The following FAM13A variants were observed in gnomAD, a reference collection of about 807,000 sequenced individuals.
FAM13A encodes family with sequence similarity 13 member A, also known as protein FAM13A.
Under a neutral mutation model 129.6 loss-of-function variants are expected in FAM13A, and 76 were observed. That is an observed-to-expected ratio of 0.59 (90% confidence interval 0.49 to 0.71). The LOEUF is 0.71. FAM13A is among the 30% of genes least tolerant of loss of function. The pLI is 0.00. For missense variants in FAM13A, 1,108 were observed against 1,249.3 expected (o/e 0.89, Z 1.70); for synonymous variants, 443 against 449.9 (o/e 0.98, Z 0.20).
chr4:88,950,867 A>G (rs961951451), intron 4 of FAM13A, among the ~76,000 whole-genome samples: 1 of 152,356 alleles, frequency 6.6e-6, no homozygotes, highest in African/African-American at 2.4e-5. Context: ...AGAGTTATCA[A>G]TTCTGTTATG....
At chr4:88,971,158 CAG>C (rs1419335378) in intron 4 of FAM13A, among the ~76,000 whole-genome samples, 2 of 152,244 alleles carry the variant, frequency 1.3e-5, no homozygotes, top group East Asian at 1.9e-4. Context: ...GCGGAGCTTG[CAG>C]AGAGCCGAGA....
chr4:88,737,541 G>C lies in FAM13A; in HGVS notation c.2577C>G (p.Ser859Arg). 1 of 1,614,004 alleles carries C rather than the reference G, an allele frequency of 6.2e-7. No homozygotes were observed. The highest frequency in any genetic ancestry group is 8.5e-7 in the Non-Finnish European group (1 of 1,179,880). The part of the protein sequence containing the change: ...NTIPIIGSPS[S>R]KRRSPLLQPI... ...GCTGCAGCAAAGGGCTTCTCCGCTT[G>C]CTGGAGGGGGAACCCTGTGACAGGT... Residue 859 changes from serine to arginine, a missense_variant, in exon 21 of 24, where the codon AGC (serine) becomes AGG (arginine). Physicochemically the swap from Ser to Arg is moderately radical, Grantham distance 110. This residue lies in a region of FAM13A where 529 missense variants were observed against 621.2 expected (regional missense o/e 0.85). Transcript: ENST00000264344.
intron 6 of FAM13A, among the ~76,000 whole-genome samples, chr4:88,859,202 G>A (rs1372442586): frequency 1.3e-5 from 2 of 152,160 alleles, no homozygotes; most frequent in Non-Finnish European, 2.9e-5. Context: ...AAGGAGGGTT[G>A]TTTTTATTTT....
intron 6 of FAM13A, among the ~76,000 whole-genome samples, chr4:88,905,217 T>G (rs143504455): frequency 0.011 from 1,702 of 152,192 alleles, 39 homozygotes; most frequent in African/African-American, 0.038. Flanking sequence ...CTGCGACCTC[T>G]GCTTCTGAGG....
intron 7 of FAM13A, among the ~76,000 whole-genome samples, chr4:88,807,187 T>G (rs1215329360): frequency 6.6e-6 from 1 of 152,214 alleles, no homozygotes; most frequent in Non-Finnish European, 1.5e-5. Context: ...TGCTTGATTT[T>G]CTTAAGTGCT....
rs1262678694 is a variant in FAM13A at position 89,016,304 on chromosome 4, T to A, written c.427+4156A>T. The stretch of plus-strand genomic sequence containing the variant: ...TTTGTAGAGCTATGCAAGGTATTTG[T>A]ATTTTAAGCTAAGTGTTATTTTAAA... On this transcript the variant is annotated intron_variant, in intron 3 of 23. Coordinates refer to ENST00000264344, the MANE Select transcript of FAM13A (RefSeq NM_014883.4). Among the ~76,000 whole-genome samples, 4 of 152,266 alleles carry A rather than the reference T, an allele frequency of 2.6e-5. No individual in the cohort carries two copies. In the South Asian group the frequency reaches 8.3e-4, roughly 32 times the overall value.
chr4:88,969,457 C>T (rs563304360), intron 4 of FAM13A, among the ~76,000 whole-genome samples: 2 of 152,236 alleles, frequency 1.3e-5, no homozygotes, highest in South Asian at 4.1e-4. Context: ...CAGATAAACT[C>T]ATAGACAGGT....
intron 7 of FAM13A, among the ~76,000 whole-genome samples, chr4:88,825,229 G>GTTC (rs1553996205): frequency 3.4e-5 from 3 of 88,152 alleles, no homozygotes; most frequent in South Asian, 4.2e-4. Flanking sequence ...TTTTTTTTTG[G>GTTC]GGGGGGGATG....
intron 6 of FAM13A, among the ~76,000 whole-genome samples, chr4:88,902,046 G>A (rs989717912): frequency 2.0e-5 from 3 of 152,018 alleles, no homozygotes; most frequent in African/African-American, 7.3e-5. Flanking sequence ...ACCCTCCCAA[G>A]ACTGAAACAG....
chr4:88,731,234 G>A (rs1737690093), intron 23 of FAM13A, 93 bp downstream of exon 23: 4 of 673,450 alleles, frequency 5.9e-6, no homozygotes. Context: ...TCCCCCCTTT[G>A]AAGGCATTCC....
intron 2 of FAM13A, among the ~76,000 whole-genome samples, chr4:89,028,425 A>G (rs569885289): frequency 6.6e-5 from 10 of 151,848 alleles, no homozygotes; most frequent in African/African-American, 2.2e-4. Context: ...GCTCATGCCT[A>G]TAATCCCAAC....
intron 7 of FAM13A, among the ~76,000 whole-genome samples, chr4:88,816,426 T>G (rs1001824929): frequency 1.1e-4 from 16 of 152,244 alleles, no homozygotes; most frequent in African/African-American, 3.9e-4. Flanking sequence ...TGTTCTGATA[T>G]GCTTCCATTA....
chr4:88,959,911 C>A (rs1758350829), intron 4 of FAM13A, among the ~76,000 whole-genome samples: 2 of 152,172 alleles, frequency 1.3e-5, no homozygotes, highest in South Asian at 4.1e-4. Context: ...AAATTCAAAC[C>A]CATGCACTCT....
At chr4:88,936,998 C>T (rs1221560399) in intron 5 of FAM13A, 1 of 152,088 alleles carries the variant, frequency 6.6e-6, no homozygotes, top group Non-Finnish European at 1.5e-5. Flanking sequence ...TTTAACTTTT[C>T]TGAGGCAAAA....
Position 88,938,223 on chromosome 4 carries a change from T to C in FAM13A, c.624A>G (p.Glu208=). Residue 208 remains glutamate, a synonymous_variant, in exon 5 of 24, where the codon GAA becomes GAG. Coordinates refer to ENST00000264344, the MANE Select transcript of FAM13A (RefSeq NM_014883.4). The stretch of plus-strand genomic sequence containing the variant: ...TGCACAGGTCCTGTTCCTTCATGCC[T>C]TCAAGCCCAGGTGGCACACTAGAAA... ...PNCFHVPPGL[E]GMKEQDLCNK... is the part of the protein sequence containing the mutation. 6.2e-7 allele frequency: 1 copy of C among 1,608,842 alleles called. No individual in the cohort carries two copies. Among genetic ancestry groups the C allele is most frequent in the Non-Finnish European group, 8.5e-7 (1 of 1,178,228 alleles).
intron 2 of FAM13A, among the ~76,000 whole-genome samples, chr4:89,021,502 T>C (rs763977042): frequency 2.0e-4 from 30 of 152,002 alleles, no homozygotes; most frequent in Admixed American, 1.2e-3. Flanking sequence ...GAAGTAGACA[T>C]AGGAAAACAT....
chr4:89,006,388 A>G (rs1319178766), intron 3 of FAM13A, among the ~76,000 whole-genome samples: 2 of 152,192 alleles, frequency 1.3e-5, no homozygotes, highest in Non-Finnish European at 2.9e-5. Context: ...AATATCCACA[A>G]TAACCTCAGG....
At chr4:88,896,846 C>G (rs1284423430) in intron 6 of FAM13A, among the ~76,000 whole-genome samples, 1 of 152,200 alleles carries the variant, frequency 6.6e-6, no homozygotes, top group East Asian at 1.9e-4. Context: ...TTTGTATCCC[C>G]TGATAAAAGT....
intron 5 of FAM13A, among the ~76,000 whole-genome samples, chr4:88,907,969 T>C (rs1748436038): frequency 6.6e-6 from 1 of 152,224 alleles, no homozygotes; most frequent in South Asian, 2.1e-4. Flanking sequence ...CACAAAGTAG[T>C]ACACAGCACA....
Sources: gnomAD v4.1 joint callset for allele counts (sites outside exome capture counted in the v4.1 genomes callset) on GRCh38, gnomAD v4.1.1 for gene constraint, gnomAD v4.1.1 regional missense constraint, MANE v1.5 for transcripts, NCBI Gene and HGNC (gene_info 2026-07-23, HGNC 2026-07-21) for gene names.